Variants in ADGB observed in about 807,000 individuals in gnomAD.
The protein encoded by ADGB is androglobin, also known as calpain-7-like protein.
ADGB carries 172 observed loss-of-function variants against 210.5 expected under a neutral mutation model. The observed-to-expected ratio is 0.82, with a 90% CI of 0.72 to 0.93. The LOEUF (loss-of-function observed/expected upper bound fraction) is 0.93, where lower values mean the gene tolerates loss of function less well. Among genes scored for constraint, ADGB ranks in the 40% least tolerant of loss-of-function variants. The probability of loss-of-function intolerance (pLI) is 0.00; values close to 1 mark genes in which losing one functional copy is unlikely to be tolerated. For synonymous variants in ADGB, 658 were observed against 662.7 expected, an observed-to-expected ratio of 0.99 and a Z score of 0.11; for missense variants, 2,025 against 1,964.8, an observed-to-expected ratio of 1.03 and a Z score of -0.58.
chr6:146,755,744 T>A (rs1170393136), intron 27 of ADGB, among the ~76,000 whole-genome samples: 1 of 151,740 alleles, frequency 6.6e-6, no homozygotes, highest in East Asian at 1.9e-4. Context: ...TGTATGTTTT[T>A]GAATTATTCC....
chr6:146,631,732 C>T (rs1012675245), intron 1 of ADGB, among the ~76,000 whole-genome samples: 1 of 151,944 alleles, frequency 6.6e-6, no homozygotes, highest in Non-Finnish European at 1.5e-5. Flanking sequence ...ACAGTCAGCA[C>T]ATAAATAAAG....
At chr6:146,765,603 T>C (rs1047793246) in intron 28 of ADGB, among the ~76,000 whole-genome samples, 3 of 150,778 alleles carry the variant, frequency 2.0e-5, no homozygotes, top group African/African-American at 7.3e-5. Flanking sequence ...AAATAAAATA[T>C]ATTAAATATA....
In ADGB at chr6:146,632,048, T is replaced by A. The variant is rs542904579; in HGVS notation, c.75-3327T>A. Among the ~76,000 whole-genome samples the A allele has an allele frequency of 2.6e-5, 4 of 152,096 alleles. No individual in the cohort carries two copies. The East Asian group carries it at 5.8e-4, about 22-fold the overall frequency. ...TGTTTTTCCTACCTCAGTGTATTAGTTTCTTATGGCTGCTAGAATAAAATA... is the reference window on the plus strand; with the variant it reads ...TGTTTTTCCTACCTCAGTGTATTAGATTCTTATGGCTGCTAGAATAAAATA... On this transcript the variant is annotated intron_variant, in intron 1 of 35. Coordinates refer to ENST00000397944, the MANE Select transcript of ADGB (RefSeq NM_024694.4).
chr6:146,647,450 C>T (rs1424674403), intron 3 of ADGB, among the ~76,000 whole-genome samples: 2 of 151,918 alleles, frequency 1.3e-5, no homozygotes, highest in Non-Finnish European at 2.9e-5. Context: ...TGAAGTGAAT[C>T]AGACACAGGA....
chr6:146,729,129 C>T (rs1202956100), intron 20 of ADGB, among the ~76,000 whole-genome samples: 4 of 152,138 alleles, frequency 2.6e-5, no homozygotes, highest in Non-Finnish European at 4.4e-5. Context: ...ACAACGTGTG[C>T]CTCTGCCAGG....
At chr6:146,722,784 C>G (rs1045304504) in intron 17 of ADGB, among the ~76,000 whole-genome samples, 22 of 152,174 alleles carry the variant, frequency 1.4e-4, no homozygotes, top group African/African-American at 4.8e-4. Context: ...ATTTGTACCT[C>G]CCTTTCCCAC....
At position 146,765,381 on chromosome 6, in the gene ADGB, G is replaced by C. The variant is rs374786008; in HGVS notation, c.3750+1281G>C. On this transcript the variant is annotated intron_variant, in intron 28 of 35. Transcript: ENST00000397944. ...ATCTAAATATAAGCTTAATCATTTA[G>C]ATATCTATATGGAACACTTTACCCA... Among the ~76,000 whole-genome samples the C allele has an allele frequency of 3.9e-5, 6 of 151,912 alleles. No homozygotes were observed. The South Asian group carries it at 6.2e-4, about 16-fold the overall frequency.
intron 1 of ADGB, among the ~76,000 whole-genome samples, chr6:146,617,117 T>G (rs1780813836): frequency 6.6e-6 from 1 of 152,044 alleles, no homozygotes; most frequent in Non-Finnish European, 1.5e-5. Flanking sequence ...CTTTTCAATG[T>G]TATTTATCAG....
At chr6:146,738,098 CTAAGA>C (rs1289830516) in intron 23 of ADGB, among the ~76,000 whole-genome samples, 1 of 152,186 alleles carries the variant, frequency 6.6e-6, no homozygotes, top group Non-Finnish European at 1.5e-5. Context: ...TTATTGTTAT[CTAAGA>C]TAAGATTCTT....
At chr6:146,799,489 G>A (rs1177085324) in intron 33 of ADGB, among the ~76,000 whole-genome samples, 1 of 147,818 alleles carries the variant, frequency 6.8e-6, no homozygotes, top group Non-Finnish European at 1.5e-5. Flanking sequence ...AGCCAAGATC[G>A]CGCCACTGCA....
Position 146,654,210 on chromosome 6 carries a change from T to G in ADGB, c.402+4T>G. The G allele has an allele frequency of 3.9e-6, 6 of 1,536,916 alleles. No homozygotes were observed. The highest frequency in any genetic ancestry group is 5.3e-6 in the Non-Finnish European group (6 of 1,136,260). On this transcript the variant is annotated splice_donor_region_variant and intron_variant, in intron 4 of 35. Coordinates refer to ENST00000397944, the MANE Select transcript of ADGB (RefSeq NM_024694.4). ...TGAACATTTACTCTGCAGCGAGGTA[T>G]GTACAGAAATATGAACTAAAGTCTC... is the stretch of plus-strand genomic sequence containing the variant.
At chr6:146,721,637 A>G in intron 17 of ADGB, 132 bp downstream of exon 17, 1 of 590,672 alleles carries the variant, frequency 1.7e-6, no homozygotes, top group East Asian at 2.9e-5. Flanking sequence ...CAGGAGTCCT[A>G]GGCCAGCCTG....
chr6:146,683,267 A>C (rs925562573), intron 9 of ADGB, among the ~76,000 whole-genome samples: 16 of 152,240 alleles, frequency 1.1e-4, no homozygotes, highest in African/African-American at 3.8e-4. Context: ...TAAAGCAGTT[A>C]GTGTGCACAC....
intron 35 of ADGB, chr6:146,803,183 T>C: frequency 6.7e-7 from 1 of 1,496,492 alleles, no homozygotes; most frequent in South Asian, 1.1e-5. Context: ...CACTTATACT[T>C]CTCCTTCTCC....
chr6:146,611,107 G>A (rs1780702917), intron 1 of ADGB, among the ~76,000 whole-genome samples: 1 of 152,050 alleles, frequency 6.6e-6, no homozygotes, highest in South Asian at 2.1e-4. Flanking sequence ...CATGCTGGTG[G>A]GGGCCCATCT....
intron 26 of ADGB, among the ~76,000 whole-genome samples, chr6:146,750,930 A>G (rs539084603): frequency 6.6e-6 from 1 of 152,236 alleles, no homozygotes; most frequent in Admixed American, 6.5e-5. Flanking sequence ...AGATCTATTA[A>G]GAGGTTTGGT....
At chr6:146,688,289 GA>G (rs142502246) in intron 10 of ADGB, among the ~76,000 whole-genome samples, 5,567 of 147,876 alleles carry the variant, frequency 0.038, 228 homozygotes, top group African/African-American at 0.11. Context: ...TTAAATGAAT[GA>G]AAAAAAAAAT....
At position 146,718,216 on chromosome 6, in the gene ADGB, A is replaced by G. The variant is rs548002640; in HGVS notation, c.1992+617A>G. Among the ~76,000 whole-genome samples, 15 of 152,124 alleles carry G rather than the reference A, an allele frequency of 9.9e-5. No individual in the cohort carries two copies. In the East Asian group the frequency reaches 1.9e-3, roughly 20 times the overall value. Reference sequence around the variant, plus strand: ...ACAAAAATTAGCCAGGTGTGGTGGCATGCGCCTGTAATCTCAGCTACTCAG... The same window carrying G: ...ACAAAAATTAGCCAGGTGTGGTGGCGTGCGCCTGTAATCTCAGCTACTCAG... On this transcript the variant is annotated intron_variant, in intron 16 of 35. Transcript: ENST00000397944.
At chr6:146,764,292 T>C (rs1009568441) in intron 28 of ADGB, among the ~76,000 whole-genome samples, 192 bp downstream of exon 28, 2 of 152,182 alleles carry the variant, frequency 1.3e-5, no homozygotes, top group African/African-American at 2.4e-5. Context: ...CAGAGATGTA[T>C]TTAATATGTA....
Sources: allele counts gnomAD v4.1 joint callset (sites outside exome capture counted in the v4.1 genomes callset), GRCh38; gene constraint gnomAD v4.1.1; transcripts MANE v1.5; gene names NCBI Gene and HGNC (gene_info 2026-07-23, HGNC 2026-07-21).